EPHX3: variants seen among roughly 807,000 people sequenced by gnomAD.
EPHX3 encodes the protein epoxide hydrolase 3, also known as abhydrolase domain containing 9.
Under a neutral mutation model 40.2 loss-of-function variants are expected in EPHX3, and 39 were observed. That is an observed-to-expected ratio of 0.97 (90% CI 0.75 to 1.27). The LOEUF is 1.27. Ranked by LOEUF, EPHX3 falls within the 50% of genes most tolerant of loss-of-function variation. The probability of loss-of-function intolerance (pLI) is 0.00; values close to 1 mark genes in which losing one functional copy is unlikely to be tolerated. For missense variants in EPHX3, 442 were observed against 474.0 expected, an observed-to-expected ratio of 0.93 and a Z score of 0.63; for synonymous variants, 213 against 209.7, an observed-to-expected ratio of 1.02 and a Z score of -0.14.
At position 15,227,657 on chromosome 19, in the gene EPHX3, A is replaced by G; in HGVS notation, c.863T>C (p.Phe288Ser). Residue 288 changes from phenylalanine (F) to serine (S), a missense_variant, in exon 7 of 7, where the codon TTC (phenylalanine) becomes TCC (serine). Coordinates refer to ENST00000221730, the MANE Select transcript of EPHX3 (RefSeq NM_024794.3). ...LNYYRNLFRN[F>S]PLEPQELTTP... ...GGTCAGCTCCTGGGGTTCCAGGGGG[A>G]AGTTCCTGTGGCCAGGACAGACAGA... The G allele has an allele frequency of 6.2e-7, 1 of 1,613,842 alleles. No individual in the cohort carries two copies. Among genetic ancestry groups the G allele is most frequent in the Non-Finnish European group, 8.5e-7 (1 of 1,179,910 alleles).
At position 15,231,287 on chromosome 19, in the gene EPHX3, T is replaced by C; in HGVS notation, c.439A>G (p.Thr147Ala). The part of the protein sequence containing the change: ...SDAPRDVDCY[T>A]IDLLLVDIKD... ...ATGTCCACCAGCAGCAGGTCGATTG[T>C]GTAGCAGTCCACATCCCGAGGTGCA... The change falls in exon 3 of 7, where the codon ACA becomes GCA. Residue 147 changes from threonine (T) to alanine (A), a missense_variant. Thr to Ala is a moderately conservative substitution (Grantham distance 58). Coordinates refer to ENST00000221730, the MANE Select transcript of EPHX3 (RefSeq NM_024794.3). 1 of 1,614,014 alleles carries C rather than the reference T, an allele frequency of 6.2e-7. No individual in the cohort carries two copies. Among genetic ancestry groups the C allele is most frequent in the East Asian group, 2.2e-5 (1 of 44,874 alleles).
In EPHX3 at chr19:15,232,235, C is replaced by T; in HGVS notation, c.-24G>A. 6.8e-7 allele frequency: 1 copy of T among 1,464,524 alleles called. No individual in the cohort carries two copies. Among genetic ancestry groups the T allele is most frequent in the African/African-American group, 1.5e-5 (1 of 67,186 alleles). The allele number at this position is 1,464,524 out of a possible 1,614,324, so 90.7% of individuals were successfully genotyped here. On this transcript the variant is annotated 5_prime_UTR_variant, in exon 1 of 7. Coordinates refer to ENST00000221730, the MANE Select transcript of EPHX3 (RefSeq NM_024794.3). ...ATGTCGCCGCGCTCCGGGACCACGG[C>T]GGCGCTGCCGGCCAGGGGCACCTGC...
Position 15,232,427 on chromosome 19 carries a change from G to C in EPHX3, c.-216C>G. The C allele has an allele frequency of 7.4e-7, 1 of 1,352,124 alleles. No homozygotes were observed. The highest frequency in any genetic ancestry group is 9.4e-7 in the Non-Finnish European group (1 of 1,059,550). The allele number at this position is 1,352,124 out of a possible 1,614,324, so 83.8% of individuals were successfully genotyped here. On this transcript the variant is annotated 5_prime_UTR_variant, in exon 1 of 7. Transcript: ENST00000221730. The stretch of plus-strand genomic sequence containing the variant: ...GAGTGCCAGGTAAACACCTGGGCGC[G>C]ACAGGGACAGGAAACAAGGGTAGGG...
intron 6 of EPHX3, 27 bp from the exon 7 acceptor site, chr19:15,227,689 G>A: frequency 6.2e-7 from 1 of 1,612,112 alleles, no homozygotes; most frequent in Non-Finnish European, 8.5e-7. Context: ...CAGACAGGCA[G>A]ACAGACAGGC....
upstream of EPHX3, among the ~76,000 whole-genome samples, chr19:15,234,886 T>C (rs776959213): frequency 6.6e-6 from 1 of 152,378 alleles, no homozygotes; most frequent in South Asian, 2.1e-4. Context: ...AAGAGCCGAA[T>C]AGACCACTAT....
At chr19:15,231,913 G>T in intron 1 of EPHX3, 52 bp from the exon 2 acceptor site, 1 of 1,612,738 alleles carries the variant, frequency 6.2e-7, no homozygotes, top group Non-Finnish European at 8.5e-7. Context: ...CCCGAGGCTT[G>T]AACCGTCTCG....
At chr19:15,234,835 G>T (rs1267437157), upstream of EPHX3, among the ~76,000 whole-genome samples, 1 of 152,208 alleles carries the variant, frequency 6.6e-6, no homozygotes, top group African/African-American at 2.4e-5. Context: ...ACTTAAAGGT[G>T]AATAGTGGTT....
chr19:15,228,054 C>A lies in EPHX3; in HGVS notation c.663G>T (p.Met221Ile). ...HISQFFRSHYMFLFQLPWLPE... is the reference protein window; with the variant it reads ...HISQFFRSHYIFLFQLPWLPE... Reference sequence around the variant, plus strand: ...GCAGCCAGGGCAGCTGGAACAGGAACATGTAGTGGGAACGGAAGAACTGGC... The same window carrying A: ...GCAGCCAGGGCAGCTGGAACAGGAAAATGTAGTGGGAACGGAAGAACTGGC... The change falls in exon 5 of 7, where the codon ATG (methionine) becomes ATT (isoleucine). Residue 221 changes from methionine (M) to isoleucine (I), a missense_variant. Met to Ile is a conservative substitution (Grantham distance 10, BLOSUM62 1). Transcript: ENST00000221730. The A allele has an allele frequency of 6.9e-7, 1 of 1,449,528 alleles. No homozygotes were observed. 89.8% of individuals were successfully genotyped at this position (1,449,528 alleles called of 1,614,324 possible).
In EPHX3 at chr19:15,227,464, C is replaced by G. The variant is rs764166880; in HGVS notation, c.1056G>C (p.Trp352Cys). Residue 352 changes from tryptophan to cysteine, a missense_variant, in exon 7 of 7, where the codon TGG becomes TGC. By Grantham distance (215) the Trp-to-Cys change is radical (BLOSUM62 -2). Coordinates refer to ENST00000221730, the MANE Select transcript of EPHX3 (RefSeq NM_024794.3). ...AGTCCAGCAGGTCTTGCAAGAAGGC[C>G]CACATGTACTGGTGCATCTCCTGGG... ...SNPQEMHQYM[W>C]AFLQDLLD 2 of 1,614,136 alleles carry G rather than the reference C, an allele frequency of 1.2e-6. No individual in the cohort carries two copies. Among genetic ancestry groups the G allele is most frequent in the East Asian group, 4.5e-5 (2 of 44,886 alleles).
At chr19:15,236,961 G>A (rs2047196463), upstream of EPHX3, 1 of 202,148 alleles carries the variant, frequency 4.9e-6, no homozygotes, top group Non-Finnish European at 1.0e-5. Context: ...GCGTCGTGGT[G>A]TAGAGTGGGT....
Position 15,227,607 on chromosome 19 carries a change from C to A in EPHX3, c.913G>T (p.Glu305Ter). 2 of 1,614,096 alleles carry A rather than the reference C, an allele frequency of 1.2e-6. No individual in the cohort carries two copies. Among genetic ancestry groups the A allele is most frequent in the South Asian group, 1.1e-5 (1 of 91,086 alleles). ...CCCAGCTCCAAGTAAGTGTCCTTCT[C>A]CCCCCACAGCAGCAATGTGGGTGTG... ...LTTPTLLLWG[E>*]KDTYLELGLV... Residue 305 changes from glutamate (E) to a stop codon, truncating the protein, a stop_gained, in exon 7 of 7, where the codon GAG (glutamate) becomes TAG (stop). Transcript: ENST00000221730. LOFTEE classifies it high-confidence loss of function.
chr19:15,233,592 A>G (rs1375096582), upstream of EPHX3, among the ~76,000 whole-genome samples: 1 of 152,166 alleles, frequency 6.6e-6, no homozygotes, highest in Non-Finnish European at 1.5e-5. Context: ...AGGCTCCGAG[A>G]GCGGGCCGAG....
intron 4 of EPHX3, among the ~76,000 whole-genome samples, chr19:15,228,710 A>G (rs990533788): frequency 2.6e-5 from 4 of 151,630 alleles, no homozygotes; most frequent in South Asian, 4.2e-4. Context: ...TAGTAGAGAC[A>G]GGGTTTCACA....
Position 15,227,781 on chromosome 19 carries a change from T to C in EPHX3, c.847A>G (p.Asn283Asp). ...GGCAACTGGTCTCACCTGAAGAGGT[T>C]TCGGTAGTAGTTGAGGGGCCCAGTG... ...GLTGPLNYYRNLFRNFPLEPQ... is the reference protein window; with the variant it reads ...GLTGPLNYYRDLFRNFPLEPQ... Residue 283 changes from asparagine (N) to aspartate (D), a missense_variant, in exon 6 of 7, where the codon AAC (asparagine) becomes GAC (aspartate). Asn to Asp is a conservative substitution (Grantham distance 23). Transcript: ENST00000221730. 1 of 1,613,810 alleles carries C rather than the reference T, an allele frequency of 6.2e-7. No homozygotes were observed. Among genetic ancestry groups the C allele is most frequent in the Non-Finnish European group, 8.5e-7 (1 of 1,179,926 alleles).
Position 15,228,110 on chromosome 19 carries a change from G to T in EPHX3, c.617-10C>A. 7 of 1,012,312 alleles carry T rather than the reference G, an allele frequency of 6.9e-6. No individual in the cohort carries two copies. The highest frequency in any genetic ancestry group is 9.0e-6 in the Non-Finnish European group (6 of 666,834). The allele number at this position is 1,012,312 out of a possible 1,614,324, so 62.7% of individuals were successfully genotyped here. A position where few individuals can be genotyped will look rare whatever the true frequency, so the allele number is the denominator to read the frequency against. Reference sequence around the variant, plus strand: ...TGGTGCAGGGAATAGTCTGGGGTGGGAGGGTTGGGGGAGAGATATAAGGCC... The same window carrying T: ...TGGTGCAGGGAATAGTCTGGGGTGGTAGGGTTGGGGGAGAGATATAAGGCC... On this transcript the variant is annotated splice_polypyrimidine_tract_variant and intron_variant, in intron 4 of 6. Coordinates refer to ENST00000221730, the MANE Select transcript of EPHX3 (RefSeq NM_024794.3).
upstream of EPHX3, chr19:15,233,149 G>C (rs1366540726): frequency 6.6e-6 from 1 of 151,730 alleles, no homozygotes; most frequent in African/African-American, 2.4e-5. Context: ...GGCCGGGGAG[G>C]GGGCGGTGGG....
rs2047160999 is a variant in EPHX3, at chr19:15,232,185, C to A, written c.27G>T (p.Leu9=). The change falls in exon 1 of 7, where the codon CTG becomes CTT. Residue 9 remains leucine, a synonymous_variant. Transcript: ENST00000221730. Reference sequence around the variant, plus strand: ...TCAGCGACAGGCGCGACGGCGCCAGCAGCGCGGTCACCACCAGCTCCGGCA... The same window carrying A: ...TCAGCGACAGGCGCGACGGCGCCAGAAGCGCGGTCACCACCAGCTCCGGCA... MPELVVTA[L]LAPSRLSLKL... is the part of the protein sequence containing the mutation. 6 of 1,521,612 alleles carry A rather than the reference C, an allele frequency of 3.9e-6. No homozygotes were observed. Among genetic ancestry groups the A allele is most frequent in the African/African-American group, 1.4e-5 (1 of 70,286 alleles). The allele number at this position is 1,521,612 out of a possible 1,614,324, so 94.3% of individuals were successfully genotyped here. A position where few individuals can be genotyped will look rare whatever the true frequency, so the allele number is the denominator to read the frequency against.
chr19:15,230,162 ATTTAT>A (rs1295608713), intron 4 of EPHX3, among the ~76,000 whole-genome samples: 3 of 151,702 alleles, frequency 2.0e-5, no homozygotes, highest in African/African-American at 2.4e-5. Context: ...GTGTATTGTG[ATTTAT>A]TTTATTTTAT....
chr19:15,228,151 C>G, intron 4 of EPHX3, 51 bp from the exon 5 acceptor site: 1 of 1,419,604 alleles, frequency 7.0e-7, no homozygotes, highest in South Asian at 1.3e-5. Flanking sequence ...CTGGGGTGGC[C>G]CCATACACCT....
Sources: allele counts gnomAD v4.1 joint callset (sites outside exome capture counted in the v4.1 genomes callset), GRCh38; gene constraint gnomAD v4.1.1; transcripts MANE v1.5; gene names NCBI Gene and HGNC (gene_info 2026-07-23, HGNC 2026-07-21).